The following RBFOX1 variants were observed in gnomAD, a reference collection of about 807,000 sequenced individuals.
RBFOX1 encodes the protein RNA binding protein fox-1 homolog 1.
Under a neutral mutation model 57.7 loss-of-function variants are expected in RBFOX1, and 8 were observed. That is an observed-to-expected ratio of 0.14 (90% CI 0.08 to 0.25). The LOEUF (loss-of-function observed/expected upper bound fraction) is 0.25. RBFOX1 is among the 10% of genes least tolerant of loss of function. The probability of loss-of-function intolerance (pLI) is 1.00; values close to 1 mark genes in which losing one functional copy is unlikely to be tolerated. For synonymous variants in RBFOX1, 326 were observed against 222.4 expected, an observed-to-expected ratio of 1.47 and a Z score of -4.15; for missense variants, 611 against 548.5, an observed-to-expected ratio of 1.11 and a Z score of -1.14.
chr16:6,595,595 C>G (rs549200933), intron 2 of RBFOX1, among the ~76,000 whole-genome samples: 1 of 152,144 alleles, frequency 6.6e-6, no homozygotes, highest in Non-Finnish European at 1.5e-5. Flanking sequence ...ATTTCTGGGT[C>G]ATATGGACTC....
At chr16:5,808,699 C>G (rs1353173768) in intron 3 of RBFOX1, among the ~76,000 whole-genome samples, 2 of 152,104 alleles carry the variant, frequency 1.3e-5, no homozygotes, top group East Asian at 3.9e-4. Context: ...TGGGAGTTCA[C>G]TCATGATTTG....
intron 2 of RBFOX1, among the ~76,000 whole-genome samples, chr16:6,495,855 T>C (rs2095755038): frequency 6.6e-6 from 1 of 152,258 alleles, no homozygotes; most frequent in Non-Finnish European, 1.5e-5. Flanking sequence ...TGGTTGTCCA[T>C]TGTATTCACA....
Position 7,329,743 on chromosome 16 carries a change from A to G in RBFOX1, c.28-188404A>G, listed in dbSNP as rs1042136435. Among the ~76,000 whole-genome samples, 15 of 152,312 alleles carry G rather than the reference A, an allele frequency of 9.8e-5. No individual in the cohort carries two copies. In the East Asian group the frequency reaches 2.5e-3, roughly 25 times the overall value. On this transcript the variant is annotated intron_variant, in intron 4 of 15. Coordinates refer to ENST00000550418, the MANE Select transcript of RBFOX1 (RefSeq NM_018723.4). Reference sequence around the variant, plus strand: ...TGGGAGGGACAGCCCTTATTTTCACACAAGATAAGGAAGATATTTGTAACT... The same window carrying G: ...TGGGAGGGACAGCCCTTATTTTCACGCAAGATAAGGAAGATATTTGTAACT...
intron 3 of RBFOX1, among the ~76,000 whole-genome samples, chr16:6,868,341 T>C (rs1269256543): frequency 1.3e-5 from 2 of 152,160 alleles, no homozygotes; most frequent in Non-Finnish European, 2.9e-5. Flanking sequence ...GATTCATCTA[T>C]GATAAGTGTC....
chr16:6,539,752 C>T (rs762225124), intron 2 of RBFOX1, among the ~76,000 whole-genome samples: 9 of 147,604 alleles, frequency 6.1e-5, no homozygotes, highest in Non-Finnish European at 7.5e-5. Flanking sequence ...GAGCTGAGAT[C>T]GTGCCACTGC....
intron 4 of RBFOX1, among the ~76,000 whole-genome samples, chr16:7,458,271 T>G (rs1315578661): frequency 1.3e-5 from 2 of 152,152 alleles, no homozygotes; most frequent in Non-Finnish European, 2.9e-5. Context: ...AATGACCATG[T>G]GAATGCAGGA....
chr16:7,146,179 G>A (rs1324888356), intron 4 of RBFOX1, among the ~76,000 whole-genome samples: 1 of 151,852 alleles, frequency 6.6e-6, no homozygotes, highest in Non-Finnish European at 1.5e-5. Flanking sequence ...TGAACTGTTT[G>A]GTCCTGGTTC....
chr16:7,011,339 C>T (rs186880344), intron 3 of RBFOX1, among the ~76,000 whole-genome samples: 4 of 152,166 alleles, frequency 2.6e-5, no homozygotes, highest in Non-Finnish European at 2.9e-5. Context: ...GCCCAGAAAG[C>T]TTAAGCAATT....
At chr16:6,117,685 C>T (rs146556814) in intron 1 of RBFOX1, among the ~76,000 whole-genome samples, 2 of 152,366 alleles carry the variant, frequency 1.3e-5, no homozygotes, top group Non-Finnish European at 2.9e-5. Flanking sequence ...ACTTCCCAGC[C>T]TCCAGAACTG....
At chr16:6,119,786 C>CTCCA (rs1411278377) in intron 1 of RBFOX1, among the ~76,000 whole-genome samples, 3 of 152,202 alleles carry the variant, frequency 2.0e-5, no homozygotes, top group Admixed American at 2.0e-4. Flanking sequence ...AGGCACAAGT[C>CTCCA]TCCATGTCTG....
At chr16:7,331,554 T>C (rs1427951981) in intron 4 of RBFOX1, among the ~76,000 whole-genome samples, 6 of 152,188 alleles carry the variant, frequency 3.9e-5, no homozygotes, top group Non-Finnish European at 7.3e-5. Flanking sequence ...CAAAGATGTG[T>C]CTGTACCAAT....
At chr16:6,198,759 T>C (rs757176821) in intron 1 of RBFOX1, among the ~76,000 whole-genome samples, 1 of 152,140 alleles carries the variant, frequency 6.6e-6, no homozygotes, top group Non-Finnish European at 1.5e-5. Flanking sequence ...AGAATAATAA[T>C]GAGTCTAGTA....
rs756615210 is a variant in RBFOX1 at position 6,035,305 on chromosome 16, G to A, written c.-127+15313G>A. Among the ~76,000 whole-genome samples, 57 of 152,290 alleles carry A rather than the reference G, an allele frequency of 3.7e-4. 1 individual carries two copies. Among genetic ancestry groups the A allele is most frequent in the Admixed American group, 1.4e-3 (22 of 15,302 alleles). On this transcript the variant is annotated intron_variant, in intron 1 of 15. Transcript: ENST00000550418. ...ATGTCAGGGCATCTTCCATTCAGCCGTCTCAGCCAAGGGACACTCATTTAG... is the reference window on the plus strand; with the variant it reads ...ATGTCAGGGCATCTTCCATTCAGCCATCTCAGCCAAGGGACACTCATTTAG...
At chr16:7,484,967 A>G (rs1307221797) in intron 4 of RBFOX1, among the ~76,000 whole-genome samples, 1 of 152,184 alleles carries the variant, frequency 6.6e-6, no homozygotes, top group East Asian at 1.9e-4. Flanking sequence ...CTATTGAGGA[A>G]AGAGATACTG....
At chr16:7,379,762 C>CT (rs1035771851) in intron 4 of RBFOX1, among the ~76,000 whole-genome samples, 3 of 151,060 alleles carry the variant, frequency 2.0e-5, no homozygotes, top group Non-Finnish European at 3.0e-5. Context: ...GCCTGCCTGC[C>CT]TGCCTTCCTG....
chr16:6,742,299 T>G (rs1404683927), intron 3 of RBFOX1, among the ~76,000 whole-genome samples: 1 of 152,168 alleles, frequency 6.6e-6, no homozygotes, highest in Non-Finnish European at 1.5e-5. Context: ...ATTATACACA[T>G]GTTAAACAGG....
intron 3 of RBFOX1, among the ~76,000 whole-genome samples, chr16:6,890,851 G>C (rs1243050491): frequency 1.3e-5 from 2 of 152,170 alleles, no homozygotes; most frequent in Non-Finnish European, 2.9e-5. Flanking sequence ...GCACTTAGCA[G>C]ACTCAGTAGA....
intron 1 of RBFOX1, among the ~76,000 whole-genome samples, chr16:5,421,169 G>T (rs2067314597): frequency 6.6e-6 from 1 of 151,612 alleles, no homozygotes; most frequent in Admixed American, 6.6e-5. Flanking sequence ...ACTACACCTG[G>T]CTAATTTTTG....
At chr16:7,538,967 T>C (rs1477716505) in intron 5 of RBFOX1, among the ~76,000 whole-genome samples, 1 of 150,820 alleles carries the variant, frequency 6.6e-6, no homozygotes, top group Non-Finnish European at 1.5e-5. Flanking sequence ...ATGTACACAC[T>C]TCAGTGGTGG....
Sources: gnomAD v4.1 joint callset for allele counts (sites outside exome capture counted in the v4.1 genomes callset) on GRCh38, gnomAD v4.1.1 for gene constraint, MANE v1.5 for transcripts, NCBI Gene and HGNC (gene_info 2026-07-23, HGNC 2026-07-21) for gene names.